KANK4: variants seen among roughly 807,000 people sequenced by gnomAD.
KANK4 encodes KN motif and ankyrin repeat domain-containing protein 4.
In KANK4, 50 loss-of-function variants were observed where a neutral mutation model predicts 80.8. The ratio of observed to expected loss-of-function variants is 0.62; its 90% CI spans 0.49 to 0.78. The LOEUF (loss-of-function observed/expected upper bound fraction) is 0.78, where lower values mean the gene tolerates loss of function less well. Ranked by LOEUF, KANK4 falls within the 30% of genes least tolerant of loss-of-function variation. KANK4 has a pLI of 0.00. For missense variants in KANK4, 1,196 were observed against 1,240.1 expected (o/e 0.96, Z 0.53); for synonymous variants, 465 against 506.9 (o/e 0.92, Z 1.11).
rs370426370 is a variant in KANK4, at chr1:62,268,304, G to A, written c.2214C>T (p.Pro738=). ...TTGCTCACCTCTCGGCCTTGGAGTG[G>A]GGGACTTCTTCCCCAGGCCCACTTT... ...AQESGPGEEV[P]HSKAERYKPS... Residue 738 remains proline (P), a synonymous_variant, in exon 5 of 10, where the codon CCC becomes CCT. Coordinates refer to ENST00000371153, the MANE Select transcript of KANK4 (RefSeq NM_181712.5). 2 of 1,613,544 alleles carry A rather than the reference G, an allele frequency of 1.2e-6. No individual in the cohort carries two copies. Among genetic ancestry groups the A allele is most frequent in the Non-Finnish European group, 1.7e-6 (2 of 1,179,886 alleles).
chr1:62,239,513 TTTATTA>T (rs578036023), intron 9 of KANK4, among the ~76,000 whole-genome samples: 1 of 151,334 alleles, frequency 6.6e-6, no homozygotes, highest in African/African-American at 2.4e-5. Flanking sequence ...GACTGGTTCT[TTTATTA>T]TTATTATTAT....
chr1:62,295,269 G>T (rs2149162891), intron 1 of KANK4, among the ~76,000 whole-genome samples: 1 of 152,166 alleles, frequency 6.6e-6, no homozygotes, highest in South Asian at 2.1e-4. Context: ...CTCCCAAGTA[G>T]CTACAGGGAC....
chr1:62,261,142 C>T (rs996844894), intron 7 of KANK4, among the ~76,000 whole-genome samples: 1 of 149,206 alleles, frequency 6.7e-6, no homozygotes, highest in African/African-American at 2.5e-5. Context: ...CGGCACTACC[C>T]TCCCAATGGC....
chr1:62,254,819 C>T (rs55890605), intron 7 of KANK4, among the ~76,000 whole-genome samples: 19,143 of 150,200 alleles, frequency 0.13, 1,397 homozygotes, highest in Admixed American at 0.18. Flanking sequence ...CTGCCCACCT[C>T]GGCCTCCCAA....
intron 8 of KANK4, among the ~76,000 whole-genome samples, chr1:62,252,104 C>A (rs1408337035): frequency 6.6e-6 from 1 of 152,076 alleles, no homozygotes; most frequent in African/African-American, 2.4e-5. Flanking sequence ...TTTCCTGACA[C>A]TGGAGGTCCT....
intron 9 of KANK4, among the ~76,000 whole-genome samples, chr1:62,238,930 C>T (rs1295588916): frequency 2.6e-5 from 4 of 151,684 alleles, no homozygotes; most frequent in Non-Finnish European, 5.9e-5. Context: ...GAGCCCAGCC[C>T]CACTTTTTTC....
chr1:62,318,473 G>A (rs1644560394), intron 1 of KANK4, among the ~76,000 whole-genome samples: 1 of 152,230 alleles, frequency 6.6e-6, no homozygotes, highest in African/African-American at 2.4e-5. Context: ...ATGCGGGCTG[G>A]GCAAAGCGCC....
intron 1 of KANK4, among the ~76,000 whole-genome samples, chr1:62,312,254 A>G (rs1455511604): frequency 7.9e-5 from 12 of 152,252 alleles, no homozygotes; most frequent in African/African-American, 2.9e-4. Flanking sequence ...CATAAATAAT[A>G]TTTCAAGGTA....
At chr1:62,243,051 G>A (rs1206916239) in intron 9 of KANK4, among the ~76,000 whole-genome samples, 5 of 152,132 alleles carry the variant, frequency 3.3e-5, no homozygotes, top group African/African-American at 9.7e-5. Flanking sequence ...TCTTACCTGT[G>A]GGCCCATTAC....
At chr1:62,238,890 A>C (rs1179350585) in intron 9 of KANK4, among the ~76,000 whole-genome samples, 2 of 152,030 alleles carry the variant, frequency 1.3e-5, no homozygotes. Context: ...TTGGCCTCCC[A>C]AACTGCTGGG....
chr1:62,318,931 C>G (rs528310867), intron 1 of KANK4, among the ~76,000 whole-genome samples, 175 bp downstream of exon 1: 37 of 152,308 alleles, frequency 2.4e-4, no homozygotes, highest in Non-Finnish European at 4.7e-4. Context: ...CCCAAGCTGC[C>G]GCAGCCACTG....
At chr1:62,258,945 A>C (rs1417431176) in intron 7 of KANK4, among the ~76,000 whole-genome samples, 1 of 152,084 alleles carries the variant, frequency 6.6e-6, no homozygotes, top group Admixed American at 6.6e-5. Context: ...CAAAAATCCC[A>C]GGAGGGAATG....
intron 4 of KANK4, among the ~76,000 whole-genome samples, chr1:62,269,558 T>C (rs888691581): frequency 6.6e-6 from 1 of 152,176 alleles, no homozygotes; most frequent in Non-Finnish European, 1.5e-5. Context: ...GCATATTACA[T>C]TTACCAAACA....
chr1:62,309,038 C>A (rs570186480), intron 1 of KANK4, among the ~76,000 whole-genome samples: 1 of 152,324 alleles, frequency 6.6e-6, no homozygotes, highest in South Asian at 2.1e-4. Flanking sequence ...TTTAGCCTGT[C>A]TGGGCTGCTA....
rs145699914 is a variant in KANK4, at chr1:62,256,902, TA to T, written c.2540-3694del. Among the ~76,000 whole-genome samples, 1,119 of 152,284 alleles carry T rather than the reference TA, an allele frequency of 7.3e-3. 11 individuals are homozygous for T. Among genetic ancestry groups the T allele is most frequent in the Non-Finnish European group, 0.013 (895 of 68,026 alleles). ...GAAGTGAACGTTTGCACTACCTTAT[TA>T]ATAACTTTATTTCTACACCTTGATT... On this transcript the variant is annotated intron_variant, in intron 7 of 9. Transcript: ENST00000371153.
In KANK4 at chr1:62,263,275, G is replaced by A. The variant is rs1390022806; in HGVS notation, c.2356C>T (p.Arg786Cys). Residue 786 changes from arginine (R) to cysteine (C), a missense_variant, in exon 7 of 10, where the codon CGC (arginine) becomes TGC (cysteine). Transcript: ENST00000371153. ...CTAGACGACTTCCGGCTGGAGACGC[G>A]GAACCACTCTTGACTGATGGTGTTC... The part of the protein sequence containing the change: ...SLNTISQEWF[R>C]VSSRKSSSPA... 1.1e-5 allele frequency: 18 copies of A among 1,613,170 alleles called. No homozygotes were observed. The highest frequency in any genetic ancestry group is 2.2e-5 in the East Asian group (1 of 44,864).
At chr1:62,308,801 T>A (rs1644474521) in intron 1 of KANK4, among the ~76,000 whole-genome samples, 1 of 152,080 alleles carries the variant, frequency 6.6e-6, no homozygotes, top group African/African-American at 2.4e-5. Context: ...CTGGGAAAAA[T>A]GTCACAGGGC....
rs1671239670 is a variant in KANK4 at position 62,237,735 on chromosome 1, C to T, written c.*542G>A. ...ATCGAAACAAAGCTCCCAAATGGTG[C>T]TTGTTCAGTTTCACCAGTCTGCACG... On this transcript the variant is annotated 3_prime_UTR_variant, in exon 10 of 10. Coordinates refer to ENST00000371153, the MANE Select transcript of KANK4 (RefSeq NM_181712.5). The T allele has an allele frequency of 6.6e-6, 1 of 152,494 alleles. No homozygotes were observed. The highest frequency in any genetic ancestry group is 6.5e-5 in the Admixed American group (1 of 15,274). 9.4% of individuals were successfully genotyped at this position (152,494 alleles called of 1,614,324 possible). A position where few individuals can be genotyped will look rare whatever the true frequency, so the allele number is the denominator to read the frequency against.
At position 62,271,568 on chromosome 1, in the gene KANK4, AG is replaced by A; in HGVS notation, c.1921del (p.Lys642AsnfsTer3). 2.5e-6 allele frequency: 4 copies of A among 1,613,808 alleles called. No homozygotes were observed. Among genetic ancestry groups the A allele is most frequent in the Non-Finnish European group, 3.4e-6 (4 of 1,179,714 alleles). On this transcript the variant is annotated frameshift_variant, in exon 4 of 10. Transcript: ENST00000371153. LOFTEE classifies it high-confidence loss of function. ...PPVEISPSTS[L>X]KSIMKKKDYG... ...GTCTTTCTTTTTCATTATGGATTTA[AG>A]GCTGGTCGATGGGGAGATCTCTAGG...
Sources: gnomAD v4.1 joint callset for allele counts (sites outside exome capture counted in the v4.1 genomes callset) on GRCh38, gnomAD v4.1.1 for gene constraint, MANE v1.5 for transcripts, NCBI Gene and HGNC (gene_info 2026-07-23, HGNC 2026-07-21) for gene names.